The following EVA1C variants were observed in gnomAD, a reference collection of about 807,000 sequenced individuals.
The protein encoded by EVA1C is protein eva-1 homolog C.
In EVA1C, 25 loss-of-function variants were observed where a neutral mutation model predicts 45.4. That is an observed-to-expected ratio of 0.55 (90% confidence interval 0.40 to 0.77). EVA1C has a LOEUF of 0.77. Among genes scored for constraint, EVA1C ranks in the 30% least tolerant of loss-of-function variants. The pLI, the probability that EVA1C is intolerant of heterozygous loss-of-function variation, is 0.00. For synonymous variants in EVA1C, 190 were observed against 221.2 expected (o/e 0.86, Z 1.25); for missense variants, 479 against 554.8 (o/e 0.86, Z 1.37).
At chr21:32,481,097 T>C (rs2036768566) in intron 4 of EVA1C, among the ~76,000 whole-genome samples, 1 of 152,238 alleles carries the variant, frequency 6.6e-6, no homozygotes, top group Non-Finnish European at 1.5e-5. Flanking sequence ...TGGTGGGATT[T>C]ACTAGGGCTT....
At chr21:32,512,270 A>C (rs2037981381) in intron 7 of EVA1C, among the ~76,000 whole-genome samples, 1 of 152,138 alleles carries the variant, frequency 6.6e-6, no homozygotes, top group South Asian at 2.1e-4. Context: ...TTCGTTAGAC[A>C]TAAAGTAGGG....
intron 1 of EVA1C, 76 bp from the exon 2 acceptor site, chr21:32,453,236 A>T: frequency 9.2e-7 from 1 of 1,085,976 alleles, no homozygotes. Flanking sequence ...AGGGGAACCA[A>T]CGTCCTCCTG....
At chr21:32,475,816 G>A (rs1263142352) in intron 4 of EVA1C, among the ~76,000 whole-genome samples, 1 of 152,088 alleles carries the variant, frequency 6.6e-6, no homozygotes, top group Non-Finnish European at 1.5e-5. Flanking sequence ...ATTCCCGGAA[G>A]TTTTATACCA....
intron 4 of EVA1C, chr21:32,493,826 G>A (rs964058371): frequency 1.3e-5 from 2 of 151,036 alleles, no homozygotes; most frequent in Non-Finnish European, 2.9e-5. Flanking sequence ...TTGAGACGCA[G>A]TCTTGCTTGG....
At position 32,494,401 on chromosome 21, in the gene EVA1C, G is replaced by T. The variant is rs537618029; in HGVS notation, c.635-626G>T. On this transcript the variant is annotated intron_variant, in intron 4 of 7. Coordinates refer to ENST00000300255, the MANE Select transcript of EVA1C (RefSeq NM_058187.5). ...TAATATATTTCAAAGCATGGTAAAG[G>T]TCGTAAAAGAACCAAGAATCTTCAT... Among the ~76,000 whole-genome samples the T allele has an allele frequency of 3.9e-5, 6 of 152,278 alleles. No homozygotes were observed. The South Asian group carries it at 1.2e-3, about 32-fold the overall frequency.
intron 1 of EVA1C, among the ~76,000 whole-genome samples, chr21:32,447,484 T>G (rs2035406413): frequency 6.6e-6 from 1 of 152,074 alleles, no homozygotes; most frequent in Non-Finnish European, 1.5e-5. Context: ...TCAATCACAA[T>G]TATTTAAAAA....
intron 2 of EVA1C, among the ~76,000 whole-genome samples, chr21:32,455,299 TC>T (rs1157987287): frequency 2.6e-5 from 4 of 151,550 alleles, no homozygotes; most frequent in African/African-American, 9.7e-5. Flanking sequence ...AACAACCTAC[TC>T]CTGAAAAAAA....
At chr21:32,507,635 TGC>T (rs1460093654) in intron 7 of EVA1C, among the ~76,000 whole-genome samples, 1 of 152,000 alleles carries the variant, frequency 6.6e-6, no homozygotes, top group Non-Finnish European at 1.5e-5. Context: ...TATCTGTGTG[TGC>T]ATGGGTTTGC....
chr21:32,509,924 G>C (rs2146469136), intron 7 of EVA1C, among the ~76,000 whole-genome samples: 1 of 152,090 alleles, frequency 6.6e-6, no homozygotes, highest in East Asian at 1.9e-4. Flanking sequence ...CAGAGAGGAA[G>C]CGGAAGTTCT....
intron 1 of EVA1C, among the ~76,000 whole-genome samples, chr21:32,451,722 C>T (rs1162295828): frequency 2.0e-5 from 3 of 152,194 alleles, no homozygotes; most frequent in Admixed American, 6.5e-5. Flanking sequence ...CGGCAACGCT[C>T]GGCATTCCTT....
In EVA1C at chr21:32,455,522, C is replaced by G. The variant is rs77057730; in HGVS notation, c.357+2014C>G. ...TCTCTGTTGGGCGCCACCCCAGGAG[C>G]TACATCCCTCTTGACCCACCCCCAT... On this transcript the variant is annotated intron_variant, in intron 2 of 7. Transcript: ENST00000300255. Among the ~76,000 whole-genome samples the G allele has an allele frequency of 5.7e-3, 864 of 152,234 alleles. 11 individuals are homozygous for G. Among genetic ancestry groups the G allele is most frequent in the Admixed American group, 0.035 (533 of 15,294 alleles).
Position 32,501,790 on chromosome 21 carries a change from T to C in EVA1C, c.859+295T>C, listed in dbSNP as rs148852895. On this transcript the variant is annotated intron_variant, in intron 6 of 7. Coordinates refer to ENST00000300255, the MANE Select transcript of EVA1C (RefSeq NM_058187.5). ...AAAAGACATCTGCTCAGAAGTAAAT[T>C]TGGGCTTCCTGGGTTACACAATGAG... Among the ~76,000 whole-genome samples, 1,040 of 152,274 alleles carry C rather than the reference T, an allele frequency of 6.8e-3. 17 individuals carry two copies. Among genetic ancestry groups the C allele is most frequent in the East Asian group, 0.046 (240 of 5,178 alleles).
rs775225229 is a variant in EVA1C, at chr21:32,412,910, C to G, written c.57C>G (p.Pro19=). Residue 19 remains proline, a synonymous_variant, in exon 1 of 8, where the codon CCC becomes CCG. Transcript: ENST00000300255. ...CGACGCCCCAGCCCGTGCAGCATCC[C>G]GGCCTCCGCCGGCAGGTAGAGCCGC... ...QPPTPQPVQH[P]GLRRQVEPPG... 2.6e-6 allele frequency: 4 copies of G among 1,519,848 alleles called. No homozygotes were observed. Among genetic ancestry groups the G allele is most frequent in the Admixed American group, 2.1e-5 (1 of 48,156 alleles). 94.1% of individuals were successfully genotyped at this position (1,519,848 alleles called of 1,614,324 possible).
intron 4 of EVA1C, among the ~76,000 whole-genome samples, chr21:32,485,859 C>A (rs78572937): frequency 0.034 from 5,216 of 152,298 alleles, 104 homozygotes; most frequent in South Asian, 0.076. Context: ...ACTGTTACAG[C>A]CACTCAGTGG....
chr21:32,443,411 C>A (rs2035251510), intron 1 of EVA1C, among the ~76,000 whole-genome samples: 1 of 152,090 alleles, frequency 6.6e-6, no homozygotes, highest in African/African-American at 2.4e-5. Context: ...TGGCAAGGAC[C>A]TGTAATTCCC....
chr21:32,413,147 G>A, intron 1 of EVA1C, 134 bp downstream of exon 1: 2 of 731,654 alleles, frequency 2.7e-6, no homozygotes, highest in Middle Eastern at 2.7e-4. Flanking sequence ...ACACTTGTCT[G>A]GTGTGAGCCC....
At chr21:32,447,248 T>G (rs1405917066) in intron 1 of EVA1C, among the ~76,000 whole-genome samples, 1 of 151,938 alleles carries the variant, frequency 6.6e-6, no homozygotes, top group Non-Finnish European at 1.5e-5. Context: ...TGGCGGGCAC[T>G]GTAGTCCCAG....
At chr21:32,445,412 T>G (rs1367621562) in intron 1 of EVA1C, among the ~76,000 whole-genome samples, 1 of 152,200 alleles carries the variant, frequency 6.6e-6, no homozygotes, top group Admixed American at 6.5e-5. Flanking sequence ...GCAAGGAATC[T>G]CCTTGTGAGC....
rs563524692 is a variant in EVA1C at position 32,504,861 on chromosome 21, G to A, written c.949+846G>A. On this transcript the variant is annotated intron_variant, in intron 7 of 7. Transcript: ENST00000300255. The stretch of plus-strand genomic sequence containing the variant: ...TTAATAAAGACATACCTGAGGCTGG[G>A]TAATTTATAAAGGAAAGAGGTTTAA... 1.8e-4 allele frequency among the ~76,000 whole-genome samples: 27 copies of A among 152,060 alleles called. No homozygotes were observed. In the East Asian group the frequency reaches 4.5e-3, roughly 25 times the overall value.
Sources: allele counts gnomAD v4.1 joint callset (sites outside exome capture counted in the v4.1 genomes callset), GRCh38; gene constraint gnomAD v4.1.1; transcripts MANE v1.5; gene names NCBI Gene and HGNC (gene_info 2026-07-23, HGNC 2026-07-21).